POM121C: variants seen among roughly 807,000 people sequenced by gnomAD.
The protein encoded by POM121C is nuclear envelope pore membrane protein POM 121C.
POM121C carries 20 observed loss-of-function variants against 66.4 expected under a neutral mutation model. The observed-to-expected ratio is 0.30, with a 90% confidence interval of 0.21 to 0.44. The LOEUF (loss-of-function observed/expected upper bound fraction) is 0.44, where lower values mean the gene tolerates loss of function less well. Ranked by LOEUF, POM121C falls within the 20% of genes least tolerant of loss-of-function variation. The pLI is 1.00. For missense variants in POM121C, 580 were observed against 1,225.7 expected (o/e 0.47, Z 7.87); for synonymous variants, 286 against 528.0 (o/e 0.54, Z 6.28).
chr7:75,421,551 A>C lies in POM121C; in HGVS notation c.2701T>G (p.Phe901Val). 6.2e-7 allele frequency: 1 copy of C among 1,611,982 alleles called. No individual in the cohort carries two copies. The highest frequency in any genetic ancestry group is 8.5e-7 in the Non-Finnish European group (1 of 1,179,738). Reference protein sequence around the residue: ...GTTGQSTPFAFNVGSTTESKP... With the variant: ...GTTGQSTPFAVNVGSTTESKP... ...CTCTCAGTTGTGCTGCCCACGTTGA[A>C]GGCAAACGGTGTGCTCTGGCCGGTG... Residue 901 changes from phenylalanine to valine, a missense_variant, in exon 13 of 15, where the codon TTC (phenylalanine) becomes GTC (valine). By Grantham distance (50) the Phe-to-Val change is conservative (BLOSUM62 -1). Coordinates refer to ENST00000615331, the MANE Select transcript of POM121C (RefSeq NM_001099415.3).
Position 75,475,137 on chromosome 7 carries a change from G to A in POM121C, c.-406C>T, listed in dbSNP as rs201491565. 3.7e-5 allele frequency: 58 copies of A among 1,563,948 alleles called. 2 individuals are homozygous for A. Among genetic ancestry groups the A allele is most frequent in the South Asian group, 1.8e-4 (16 of 89,138 alleles). On this transcript the variant is annotated 5_prime_UTR_variant, in exon 2 of 15. Coordinates refer to ENST00000615331, the MANE Select transcript of POM121C (RefSeq NM_001099415.3). ...ATCTTCTCATCAGGGTCCAGTTGCC[G>A]CCACTCCTCCTGGGTGAAATCCACA... is the stretch of plus-strand genomic sequence containing the variant.
intron 7 of POM121C, among the ~76,000 whole-genome samples, chr7:75,435,714 CTTAATAATGACAGTG>C (rs1790376299): frequency 6.6e-6 from 1 of 152,284 alleles, no homozygotes; most frequent in Admixed American, 6.5e-5. Flanking sequence ...CTTCAGCAGT[CTTAATAATGACAGTG>C]TTAATAATGA....
chr7:75,432,898 A>G (rs1172333974), intron 7 of POM121C, among the ~76,000 whole-genome samples: 1 of 152,112 alleles, frequency 6.6e-6, no homozygotes, highest in Non-Finnish European at 1.5e-5. Flanking sequence ...AAAAGCCAAA[A>G]CCAGGAAAGG....
intron 14 of POM121C, 120 bp downstream of exon 14, chr7:75,419,200 G>A (rs1584639259): frequency 9.1e-6 from 13 of 1,436,086 alleles, no homozygotes; most frequent in East Asian, 5.0e-5. Flanking sequence ...CTCCTAACCC[G>A]AAATGTCTTT....
intron 7 of POM121C, among the ~76,000 whole-genome samples, chr7:75,436,559 T>C (rs587638224): frequency 1.1e-4 from 16 of 152,340 alleles, no homozygotes; most frequent in African/African-American, 3.6e-4. Context: ...TCTGGGCTGA[T>C]GAACTCATCT....
At chr7:75,468,881 A>G (rs587625107) in intron 3 of POM121C, among the ~76,000 whole-genome samples, 13 of 152,276 alleles carry the variant, frequency 8.5e-5, no homozygotes, top group African/African-American at 2.9e-4. Flanking sequence ...AACATTAAAA[A>G]TTGTTTTCAA....
Position 75,465,895 on chromosome 7 carries a change from C to CAAAAAAAAAA in POM121C, c.-152+8799_-152+8808dup, listed in dbSNP as rs35108311. Among the ~76,000 whole-genome samples, 5 of 15,222 alleles carry CAAAAAAAAAA rather than the reference C, an allele frequency of 3.3e-4. 1 individual carries two copies. The highest frequency in any genetic ancestry group is 1.5e-3 in the African/African-American group (5 of 3,400). 10.0% of individuals were successfully genotyped at this position (15,222 alleles called of 152,430 possible). On this transcript the variant is annotated intron_variant, in intron 3 of 14. Transcript: ENST00000615331. Reference sequence around the variant, plus strand: ...CAGGCAACAGAGTGACACCCTGTCTCAAAAAAAAAAAAAAAAAAAAAAAAA... The same window carrying CAAAAAAAAAA: ...CAGGCAACAGAGTGACACCCTGTCTCAAAAAAAAAAAAAAAAAAAAAAAAAAAAAAAAAAA...
chr7:75,465,275 G>A (rs1267771401), intron 3 of POM121C, among the ~76,000 whole-genome samples: 3 of 151,802 alleles, frequency 2.0e-5, no homozygotes, highest in Admixed American at 1.3e-4. Flanking sequence ...GATTATAAGC[G>A]TGAGCCACCG....
intron 3 of POM121C, among the ~76,000 whole-genome samples, chr7:75,459,032 C>T (rs1791352920): frequency 1.3e-5 from 2 of 149,270 alleles, no homozygotes; most frequent in South Asian, 4.3e-4. Flanking sequence ...ATTACAATAA[C>T]TAAGTAAAAA....
rs782598649 is a variant in POM121C at position 75,437,621 on chromosome 7, C to T, written c.374G>A (p.Arg125Gln). Residue 125 changes from arginine (R) to glutamine (Q), a missense_variant, in exon 7 of 15, where the codon CGA (arginine) becomes CAA (glutamine). By Grantham distance (43) the Arg-to-Gln change is conservative (BLOSUM62 1). Transcript: ENST00000615331. ...TGTCAAGGAGCTCATGGAAGAGCTT[C>T]GGGATCTCTTATTCAAGTGGTCATC... Reference protein sequence around the residue: ...SSDDHLNKRSRSSSMSSLTGA... With the variant: ...SSDDHLNKRSQSSSMSSLTGA... 38 of 1,613,792 alleles carry T rather than the reference C, an allele frequency of 2.4e-5. No individual in the cohort carries two copies. The highest frequency in any genetic ancestry group is 1.0e-4 in the Admixed American group (6 of 59,986).
intron 3 of POM121C, among the ~76,000 whole-genome samples, chr7:75,472,688 C>A (rs1477413991): frequency 6.6e-6 from 1 of 151,914 alleles, no homozygotes; most frequent in Non-Finnish European, 1.5e-5. Context: ...ACCTGTAATC[C>A]CAGCTACTTT....
chr7:75,440,001 C>G (rs1387214377), intron 5 of POM121C, among the ~76,000 whole-genome samples: 2 of 151,414 alleles, frequency 1.3e-5, no homozygotes, highest in Non-Finnish European at 2.9e-5. Flanking sequence ...CTGTCTCAGC[C>G]TCTGGAGTAG....
At chr7:75,442,233 G>C (rs1214860873) in intron 3 of POM121C, 2 of 1,396,320 alleles carry the variant, frequency 1.4e-6, no homozygotes, top group Non-Finnish European at 1.8e-6. Flanking sequence ...TGGGAGGGCG[G>C]TGTGGAGCGC....
chr7:75,486,102 G>A lies in POM121C; in HGVS notation c.-696C>T. ...TGGCCCCAGCGCCGCCGGCTCCGGG[G>A]TTCACGCTCGGGGGTCCCAGCTCGA... On this transcript the variant is annotated 5_prime_UTR_variant, in exon 1 of 15. Coordinates refer to ENST00000615331, the MANE Select transcript of POM121C (RefSeq NM_001099415.3). 2.8e-6 allele frequency: 1 copy of A among 361,672 alleles called. No homozygotes were observed. Among genetic ancestry groups the A allele is most frequent in the South Asian group, 2.0e-5 (1 of 49,242 alleles). The allele number at this position is 361,672 out of a possible 1,614,324, so 22.4% of individuals were successfully genotyped here. A position where few individuals can be genotyped will look rare whatever the true frequency, so the allele number is the denominator to read the frequency against.
At chr7:75,440,591 A>T in intron 5 of POM121C, 1 of 278,458 alleles carries the variant, frequency 3.6e-6, no homozygotes, top group Non-Finnish European at 6.8e-6. Flanking sequence ...AAAAGACACT[A>T]GAACTGGTGG....
intron 3 of POM121C, among the ~76,000 whole-genome samples, chr7:75,466,467 G>A (rs1371928093): frequency 4.6e-5 from 7 of 151,810 alleles, no homozygotes; most frequent in Admixed American, 1.3e-4. Context: ...TTAGCCAGGC[G>A]TGATTGCATG....
chr7:75,477,131 A>ACACACACT (rs1350007092), intron 1 of POM121C, among the ~76,000 whole-genome samples: 8 of 150,798 alleles, frequency 5.3e-5, no homozygotes, highest in Non-Finnish European at 1.2e-4. Context: ...ACACACACAC[A>ACACACACT]CACTCTTATG....
At chr7:75,424,991 A>G (rs1331169241) in intron 10 of POM121C, 83 bp downstream of exon 10, 1 of 1,540,876 alleles carries the variant, frequency 6.5e-7, no homozygotes, top group Non-Finnish European at 8.7e-7. Context: ...TAGAAAAAAA[A>G]ACAGAAGAAA....
At chr7:75,453,505 C>A (rs1238600407) in intron 3 of POM121C, among the ~76,000 whole-genome samples, 2 of 150,986 alleles carry the variant, frequency 1.3e-5, no homozygotes, top group Non-Finnish European at 2.9e-5. Context: ...TCGCTTGAAC[C>A]TGGGAGGCAG....
Sources: gnomAD v4.1 joint callset for allele counts (sites outside exome capture counted in the v4.1 genomes callset) on GRCh38, gnomAD v4.1.1 for gene constraint, MANE v1.5 for transcripts, NCBI Gene and HGNC (gene_info 2026-07-23, HGNC 2026-07-21) for gene names.